Variants in GRIN2A observed in about 807,000 individuals in gnomAD.
The protein encoded by GRIN2A is glutamate ionotropic receptor NMDA type subunit 2A.
A neutral mutation model predicts 113.4 loss-of-function variants in GRIN2A; 22 were observed. The observed-to-expected ratio is 0.19, with a 90% confidence interval of 0.14 to 0.28. The LOEUF is 0.28. Among genes scored for constraint, GRIN2A ranks in the 10% least tolerant of loss-of-function variants. The probability of loss-of-function intolerance (pLI) is 1.00; values close to 1 mark genes in which losing one functional copy is unlikely to be tolerated. For missense variants in GRIN2A, 1,502 were observed against 1,887.0 expected (o/e 0.80, Z 3.78); for synonymous variants, 827 against 738.4 (o/e 1.12, Z -1.94).
At chr16:9,978,342 C>T (rs1322585947) in intron 2 of GRIN2A, among the ~76,000 whole-genome samples, 2 of 152,164 alleles carry the variant, frequency 1.3e-5, no homozygotes, top group East Asian at 1.9e-4. Context: ...AGTCTTTTCA[C>T]CTTGCTTACC....
chr16:10,026,605 C>T (rs1319906500), intron 2 of GRIN2A, among the ~76,000 whole-genome samples: 1 of 152,090 alleles, frequency 6.6e-6, no homozygotes, highest in African/African-American at 2.4e-5. Context: ...AACTGAAGAA[C>T]ATGGATCTGC....
intron 11 of GRIN2A, among the ~76,000 whole-genome samples, chr16:9,787,024 A>G (rs1482493322): frequency 6.6e-6 from 1 of 152,170 alleles, no homozygotes; most frequent in Non-Finnish European, 1.5e-5. Context: ...AGAACATCAC[A>G]TGACAGATAA....
chr16:10,103,892 T>C (rs1389336989), intron 2 of GRIN2A, among the ~76,000 whole-genome samples: 1 of 152,208 alleles, frequency 6.6e-6, no homozygotes, highest in Non-Finnish European at 1.5e-5. Context: ...CTCACCCCTC[T>C]CACTTCCTCA....
chr16:9,765,774 T>G (rs1203850434), intron 12 of GRIN2A, among the ~76,000 whole-genome samples: 2 of 152,218 alleles, frequency 1.3e-5, no homozygotes, highest in Non-Finnish European at 2.9e-5. Context: ...CTATTCAATG[T>G]AGTTAGAACT....
chr16:9,900,057 A>G (rs535210960), intron 3 of GRIN2A, among the ~76,000 whole-genome samples: 2 of 152,346 alleles, frequency 1.3e-5, no homozygotes, highest in South Asian at 4.1e-4. Context: ...ACACAACGTG[A>G]TAAAGGCCAG....
intron 7 of GRIN2A, among the ~76,000 whole-genome samples, chr16:9,837,520 A>C (rs1486647759): frequency 2.0e-5 from 3 of 152,326 alleles, no homozygotes; most frequent in East Asian, 3.9e-4. Flanking sequence ...AATTGGAAAA[A>C]GAGTTCTCTC....
chr16:9,968,901 C>A (rs1596372971), intron 2 of GRIN2A, among the ~76,000 whole-genome samples: 1 of 152,116 alleles, frequency 6.6e-6, no homozygotes, highest in Non-Finnish European at 1.5e-5. Flanking sequence ...AGCCACTGCG[C>A]CCTGCCCTCA....
intron 2 of GRIN2A, among the ~76,000 whole-genome samples, chr16:10,122,040 C>T (rs2048846321): frequency 6.6e-6 from 1 of 152,182 alleles, no homozygotes; most frequent in African/African-American, 2.4e-5. Context: ...GAACTTCAAG[C>T]ACCAAGCAGC....
At chr16:9,900,337 G>A (rs1182780026) in intron 3 of GRIN2A, among the ~76,000 whole-genome samples, 3 of 152,162 alleles carry the variant, frequency 2.0e-5, no homozygotes, top group Non-Finnish European at 4.4e-5. Flanking sequence ...GGTAGATGAA[G>A]CTTCTATGGT....
intron 5 of GRIN2A, among the ~76,000 whole-genome samples, chr16:9,847,840 A>T (rs889657017): frequency 2.7e-5 from 4 of 148,288 alleles, no homozygotes; most frequent in African/African-American, 7.3e-5. Flanking sequence ...TGTATTCAGG[A>T]TTTCAACTTC....
chr16:10,019,687 G>A (rs1860197436), intron 2 of GRIN2A, among the ~76,000 whole-genome samples: 1 of 152,184 alleles, frequency 6.6e-6, no homozygotes, highest in Non-Finnish European at 1.5e-5. Context: ...TAAGATTGCA[G>A]CCAGGTCTGT....
At chr16:10,053,792 G>A (rs1218719563) in intron 2 of GRIN2A, among the ~76,000 whole-genome samples, 1 of 152,298 alleles carries the variant, frequency 6.6e-6, no homozygotes, top group East Asian at 1.9e-4. Flanking sequence ...AAATACTTTT[G>A]CACCAATCTA....
chr16:9,830,368 G>C (rs1054126975), intron 8 of GRIN2A, among the ~76,000 whole-genome samples: 1 of 151,372 alleles, frequency 6.6e-6, no homozygotes, highest in African/African-American at 2.4e-5. Context: ...AATGTTCCTT[G>C]CAACAGACTT....
chr16:9,973,647 AAG>A (rs1056310449), intron 2 of GRIN2A, among the ~76,000 whole-genome samples: 4 of 152,226 alleles, frequency 2.6e-5, no homozygotes, highest in African/African-American at 9.6e-5. Flanking sequence ...TGAAAATCAA[AAG>A]AAAGAAAATC....
chr16:10,010,161 G>A (rs1043662167), intron 2 of GRIN2A, among the ~76,000 whole-genome samples: 1 of 152,148 alleles, frequency 6.6e-6, no homozygotes, highest in Non-Finnish European at 1.5e-5. Context: ...TTCTGATAAG[G>A]GTAGAGAACA....
chr16:10,180,539 G>T lies in GRIN2A; in HGVS notation c.-18-110C>A. 1 of 1,511,340 alleles carries T rather than the reference G, an allele frequency of 6.6e-7. No individual in the cohort carries two copies. Among genetic ancestry groups the T allele is most frequent in the Non-Finnish European group, 8.8e-7 (1 of 1,134,002 alleles). 93.6% of individuals were successfully genotyped at this position (1,511,340 alleles called of 1,614,324 possible). On this transcript the variant is annotated intron_variant, in intron 1 of 12. Transcript: ENST00000330684. This position sits in a 1 kb window ranked among gnomAD's most constrained non-coding sequence, Gnocchi z 7.0. ...GAGCCAGGCATGGAACTCAGCAGCAGGATAGGCTGCTGGGATCACGGACTC... is the reference window on the plus strand; with the variant it reads ...GAGCCAGGCATGGAACTCAGCAGCATGATAGGCTGCTGGGATCACGGACTC...
chr16:9,841,741 C>T (rs1443223486), intron 5 of GRIN2A, among the ~76,000 whole-genome samples: 1 of 152,192 alleles, frequency 6.6e-6, no homozygotes, highest in African/African-American at 2.4e-5. Context: ...TTAATAACAT[C>T]TTCCCTACCT....
intron 2 of GRIN2A, among the ~76,000 whole-genome samples, chr16:10,015,278 A>AG (rs1383244713): frequency 3.0e-5 from 4 of 134,030 alleles, no homozygotes; most frequent in Non-Finnish European, 6.4e-5. Flanking sequence ...AAAAGAAAAA[A>AG]AAAAAGAAAA....
At chr16:9,967,847 T>TC (rs2141725092) in intron 2 of GRIN2A, among the ~76,000 whole-genome samples, 1 of 152,148 alleles carries the variant, frequency 6.6e-6, no homozygotes, top group South Asian at 2.1e-4. Context: ...AAACAACTTA[T>TC]CCCTGTAACC....
Sources: allele counts gnomAD v4.1 joint callset (sites outside exome capture counted in the v4.1 genomes callset), GRCh38; gene constraint gnomAD v4.1.1; non-coding constraint Gnocchi (gnomAD v3.1); transcripts MANE v1.5; gene names NCBI Gene and HGNC (gene_info 2026-07-23, HGNC 2026-07-21).